KIZ: variants seen among roughly 807,000 people sequenced by gnomAD.
KIZ encodes the protein kizuna centrosomal protein.
KIZ carries 68 observed loss-of-function variants against 79.6 expected under a neutral mutation model. The observed-to-expected ratio is 0.85, with a 90% confidence interval of 0.70 to 1.05. KIZ has a LOEUF of 1.05. Among genes scored for constraint, KIZ ranks in the 50% least tolerant of loss-of-function variants. The pLI is 0.00. For missense variants in KIZ, 797 were observed against 800.4 expected (o/e 1.00, Z 0.05); for synonymous variants, 280 against 281.8 (o/e 0.99, Z 0.06).
intron 4 of KIZ, 58 bp from the exon 5 acceptor site, chr20:21,161,813 A>AAAAC: frequency 1.6e-5 from 17 of 1,087,896 alleles, no homozygotes; most frequent in Non-Finnish European, 1.9e-5. Flanking sequence ...AAAAAAAAAA[A>AAAAC]CCCCACCTAA....
intron 6 of KIZ, among the ~76,000 whole-genome samples, chr20:21,175,379 G>A (rs1039679776): frequency 6.6e-6 from 1 of 152,190 alleles, no homozygotes; most frequent in East Asian, 1.9e-4. Flanking sequence ...CGTAGTCACA[G>A]CCATTGTCAC....
chr20:21,179,991 A>C (rs374423032), intron 6 of KIZ, among the ~76,000 whole-genome samples: 12 of 152,306 alleles, frequency 7.9e-5, no homozygotes, highest in African/African-American at 2.9e-4. Context: ...GATCTGTTCT[A>C]GAGAATGTTT....
At chr20:21,126,604 C>T (rs1221727449) in intron 1 of KIZ, among the ~76,000 whole-genome samples, 1 of 152,182 alleles carries the variant, frequency 6.6e-6, no homozygotes, top group Non-Finnish European at 1.5e-5. Context: ...CCCGCCGTGA[C>T]AGCTGCACTG....
At chr20:21,126,077 C>T, upstream of KIZ, 6 of 1,475,092 alleles carry the variant, frequency 4.1e-6, no homozygotes, top group East Asian at 2.9e-5. Context: ...GCCGAACGGC[C>T]ACCCAGAGGC....
chr20:21,216,834 T>G (rs971339847), intron 9 of KIZ, among the ~76,000 whole-genome samples: 2 of 152,220 alleles, frequency 1.3e-5, no homozygotes, highest in Non-Finnish European at 2.9e-5. Context: ...GGAAATGACC[T>G]TGTTCATTCA....
chr20:21,188,437 G>T (rs2034972048), intron 6 of KIZ, among the ~76,000 whole-genome samples: 1 of 152,100 alleles, frequency 6.6e-6, no homozygotes, highest in African/African-American at 2.4e-5. Context: ...ATATCCTTAG[G>T]TCTTCAATCT....
intron 8 of KIZ, 135 bp from the exon 9 acceptor site, chr20:21,215,448 G>A (rs375242777): frequency 1.2e-5 from 5 of 431,298 alleles, no homozygotes; most frequent in African/African-American, 6.0e-5. Context: ...TTTCCTTTTA[G>A]GAACAGTATT....
intron 6 of KIZ, among the ~76,000 whole-genome samples, chr20:21,179,640 A>G (rs1275715810): frequency 6.6e-6 from 1 of 151,164 alleles, no homozygotes; most frequent in Non-Finnish European, 1.5e-5. Context: ...CTGTTTTTCT[A>G]CTTAAGGTGT....
Position 21,205,532 on chromosome 20 carries a change from TG to T in KIZ, c.1397del (p.Gly466ValfsTer7). ...TPDSDVPRAQVGQHVATLKEH... is the reference protein window; with the variant it reads ...TPDSDVPRAQXGQHVATLKEH... ...GACTCAGACGTACCGAGGGCACAGGTGGGTCAGCATGTTGCCACCTTGAAAG... is the reference window on the plus strand; with the variant it reads ...GACTCAGACGTACCGAGGGCACAGGTGGTCAGCATGTTGCCACCTTGAAAG... On this transcript the variant is annotated frameshift_variant, in exon 7 of 13. Transcript: ENST00000619189. LOFTEE classifies it high-confidence loss of function. The T allele has an allele frequency of 6.4e-7, 1 of 1,571,464 alleles. No homozygotes were observed. The highest frequency in any genetic ancestry group is 8.7e-7 in the Non-Finnish European group (1 of 1,151,630).
intron 6 of KIZ, among the ~76,000 whole-genome samples, chr20:21,200,630 AATGCTCCCCC>A (rs2035556241): frequency 6.6e-6 from 1 of 151,896 alleles, no homozygotes; most frequent in East Asian, 1.9e-4. Flanking sequence ...ATAAGAATCT[AATGCTCCCCC>A]TGATCTGACA....
At chr20:21,202,240 T>C (rs958765282) in intron 6 of KIZ, 2 of 152,216 alleles carry the variant, frequency 1.3e-5, no homozygotes, top group East Asian at 3.8e-4. Context: ...GCTATTTAAC[T>C]AATTTAATTC....
chr20:21,133,384 C>G (rs2031971625), intron 2 of KIZ, among the ~76,000 whole-genome samples: 1 of 152,204 alleles, frequency 6.6e-6, no homozygotes, highest in East Asian at 1.9e-4. Flanking sequence ...AGAGTGGGCC[C>G]AAGTCTGAGG....
At chr20:21,155,861 A>T (rs2033356336) in intron 4 of KIZ, among the ~76,000 whole-genome samples, 2 of 152,122 alleles carry the variant, frequency 1.3e-5, no homozygotes, top group Non-Finnish European at 2.9e-5. Flanking sequence ...CTCTACGTGA[A>T]CTTGTTTGTC....
intron 9 of KIZ, among the ~76,000 whole-genome samples, chr20:21,227,365 C>G (rs895472027): frequency 1.3e-5 from 2 of 152,106 alleles, no homozygotes; most frequent in Non-Finnish European, 2.9e-5. Context: ...CTTCCAGTGG[C>G]CAGGAGGCTT....
At chr20:21,165,241 T>C (rs1182339309) in intron 6 of KIZ, among the ~76,000 whole-genome samples, 1 of 152,088 alleles carries the variant, frequency 6.6e-6, no homozygotes, top group African/African-American at 2.4e-5. Flanking sequence ...TGATCCAGAA[T>C]GTAAAATCTG....
chr20:21,162,332 T>A lies in KIZ; in HGVS notation c.867T>A (p.Thr289=). 6.2e-7 allele frequency: 1 copy of A among 1,613,884 alleles called. No homozygotes were observed. The highest frequency in any genetic ancestry group is 8.5e-7 in the Non-Finnish European group (1 of 1,179,824). The change falls in exon 5 of 13, where the codon ACT becomes ACA. Residue 289 remains threonine, a synonymous_variant. Coordinates refer to ENST00000619189, the MANE Select transcript of KIZ (RefSeq NM_018474.6). The part of the protein sequence containing the change: ...RERLSPENRT[T]DLKCDSSSGS... ...GATTAAGTCCAGAGAACAGAACCACTGATTTAAAGTGTGACAGTTCCAGCG... is the reference window on the plus strand; with the variant it reads ...GATTAAGTCCAGAGAACAGAACCACAGATTTAAAGTGTGACAGTTCCAGCG...
Position 21,162,264 on chromosome 20 carries a change from GAAGGCAAA to G in KIZ, c.803_810del (p.Gly268ValfsTer3). 6.2e-7 allele frequency: 1 copy of G among 1,613,974 alleles called. No individual in the cohort carries two copies. Among genetic ancestry groups the G allele is most frequent in the Non-Finnish European group, 8.5e-7 (1 of 1,179,860 alleles). On this transcript the variant is annotated frameshift_variant, in exon 5 of 13. Coordinates refer to ENST00000619189, the MANE Select transcript of KIZ (RefSeq NM_018474.6). LOFTEE classifies it high-confidence loss of function. Reference sequence around the variant, plus strand: ...ACGTCATGGCAAGAGTAATTTATCTGAAGGCAAAAAGTCTGCTGAACTCAATTCCCCGT... The same window carrying G: ...ACGTCATGGCAAGAGTAATTTATCTGAAGTCTGCTGAACTCAATTCCCCGT...
In KIZ at chr20:21,214,667, G is replaced by A. The variant is rs929616106; in HGVS notation, c.1579G>A (p.Val527Ile). The change falls in exon 8 of 13, where the codon GTA (valine) becomes ATA (isoleucine). Residue 527 changes from valine (V) to isoleucine (I), a missense_variant. Coordinates refer to ENST00000619189, the MANE Select transcript of KIZ (RefSeq NM_018474.6). Reference protein sequence around the residue: ...NSGIKEAKPAVWLNSVPTREQ... With the variant: ...NSGIKEAKPAIWLNSVPTREQ... ...TGGAATAAAGGAAGCCAAACCTGCTGTATGGCTCAACAGTGTTCCTACAAG... is the reference window on the plus strand; with the variant it reads ...TGGAATAAAGGAAGCCAAACCTGCTATATGGCTCAACAGTGTTCCTACAAG... 18 of 1,612,954 alleles carry A rather than the reference G, an allele frequency of 1.1e-5. No homozygotes were observed. Among genetic ancestry groups the A allele is most frequent in the Admixed American group, 1.7e-5 (1 of 59,972 alleles).
chr20:21,222,740 CT>C (rs2123375481), intron 9 of KIZ, among the ~76,000 whole-genome samples: 1 of 152,286 alleles, frequency 6.6e-6, no homozygotes, highest in South Asian at 2.1e-4. Context: ...TTCACTTGGC[CT>C]TCTCTTCTGT....
Sources: allele counts gnomAD v4.1 joint callset (sites outside exome capture counted in the v4.1 genomes callset), GRCh38; gene constraint gnomAD v4.1.1; transcripts MANE v1.5; gene names NCBI Gene and HGNC (gene_info 2026-07-23, HGNC 2026-07-21).